Variants in ADGRA3 observed in about 807,000 individuals in gnomAD.
ADGRA3 encodes G-protein coupled receptor 125.
In ADGRA3, 56 loss-of-function variants were observed where a neutral mutation model predicts 119.8. The observed-to-expected ratio is 0.47, with a 90% CI of 0.38 to 0.58. The LOEUF (loss-of-function observed/expected upper bound fraction) is 0.58, where lower values mean the gene tolerates loss of function less well. Ranked by LOEUF, ADGRA3 falls within the 20% of genes least tolerant of loss-of-function variation. The probability of loss-of-function intolerance (pLI) is 0.00; values close to 1 mark genes in which losing one functional copy is unlikely to be tolerated. For synonymous variants in ADGRA3, 607 were observed against 623.8 expected, an observed-to-expected ratio of 0.97 and a Z score of 0.40; for missense variants, 1,516 against 1,649.0, an observed-to-expected ratio of 0.92 and a Z score of 1.40.
At chr4:22,457,799 T>C (rs1717292561) in intron 3 of ADGRA3, among the ~76,000 whole-genome samples, 1 of 152,176 alleles carries the variant, frequency 6.6e-6, no homozygotes, top group Admixed American at 6.5e-5. Context: ...TTATTAACAA[T>C]AGGTTTTCTT....
intron 14 of ADGRA3, among the ~76,000 whole-genome samples, chr4:22,408,051 A>G (rs1715023490): frequency 6.6e-6 from 1 of 152,094 alleles, no homozygotes. Flanking sequence ...ATGTTAAAAG[A>G]CGACTATGAC....
chr4:22,403,133 G>A (rs909965032), intron 14 of ADGRA3, among the ~76,000 whole-genome samples: 3 of 151,976 alleles, frequency 2.0e-5, no homozygotes, highest in African/African-American at 7.2e-5. Flanking sequence ...CCTTTTCAAT[G>A]CCCTTTAAGC....
intron 10 of ADGRA3, among the ~76,000 whole-genome samples, chr4:22,431,941 G>T (rs1201004757): frequency 6.6e-6 from 1 of 152,002 alleles, no homozygotes; most frequent in Non-Finnish European, 1.5e-5. Flanking sequence ...TTAGCATATG[G>T]TCAATTTGGT....
At chr4:22,489,232 C>A (rs760324749) in intron 1 of ADGRA3, among the ~76,000 whole-genome samples, 1 of 152,158 alleles carries the variant, frequency 6.6e-6, no homozygotes, top group Non-Finnish European at 1.5e-5. Context: ...GACTTATTCA[C>A]TACCATGAGA....
chr4:22,507,108 C>T (rs1418632286), intron 1 of ADGRA3, among the ~76,000 whole-genome samples: 5 of 151,690 alleles, frequency 3.3e-5, no homozygotes, highest in South Asian at 2.1e-4. Context: ...GGCATGGTGG[C>T]GGGTGACTGT....
At chr4:22,448,929 C>T (rs188487614) in intron 4 of ADGRA3, among the ~76,000 whole-genome samples, 1 of 151,954 alleles carries the variant, frequency 6.6e-6, no homozygotes. Flanking sequence ...AAAGGTGTGC[C>T]CATGGCAGTA....
At chr4:22,511,642 C>T (rs774478776) in intron 1 of ADGRA3, among the ~76,000 whole-genome samples, 10 of 152,154 alleles carry the variant, frequency 6.6e-5, no homozygotes, top group Non-Finnish European at 1.5e-4. Flanking sequence ...CTGAAAACAC[C>T]TGGCCACACC....
intron 12 of ADGRA3, among the ~76,000 whole-genome samples, chr4:22,418,594 T>C (rs192479464): frequency 2.0e-5 from 3 of 152,090 alleles, no homozygotes; most frequent in Non-Finnish European, 2.9e-5. Flanking sequence ...GGAAGTACTG[T>C]GGAGAGAGAG....
intron 1 of ADGRA3, among the ~76,000 whole-genome samples, chr4:22,474,581 G>A (rs1717970325): frequency 2.0e-5 from 3 of 152,166 alleles, no homozygotes; most frequent in East Asian, 3.9e-4. Flanking sequence ...TATCAATAAT[G>A]AGCATCCATG....
chr4:22,390,285 C>T (rs1714057890), intron 17 of ADGRA3, among the ~76,000 whole-genome samples: 1 of 145,334 alleles, frequency 6.9e-6, no homozygotes, highest in Non-Finnish European at 1.5e-5. Flanking sequence ...TTAAAATCTT[C>T]TCTATTGCTT....
At position 22,461,734 on chromosome 4, in the gene ADGRA3, T is replaced by TA. The variant is rs766027196; in HGVS notation, c.401+2dup. 1 of 1,594,716 alleles carries TA rather than the reference T, an allele frequency of 6.3e-7. No individual in the cohort carries two copies. Among genetic ancestry groups the TA allele is most frequent in the Non-Finnish European group, 8.6e-7 (1 of 1,165,538 alleles). On this transcript the variant is annotated splice_region_variant and intron_variant, in intron 3 of 18. Coordinates refer to ENST00000334304, the MANE Select transcript of ADGRA3 (RefSeq NM_145290.4). ...CTCGTAAGCAAGCAATTCAAACACT[T>TA]ACAATCTTTTTAGAGATGACAGTCC...
intron 3 of ADGRA3, among the ~76,000 whole-genome samples, chr4:22,455,455 G>GAA (rs142233845): frequency 1.4e-5 from 2 of 147,652 alleles, no homozygotes; most frequent in Admixed American, 1.3e-4. Flanking sequence ...CAACTATAAT[G>GAA]AAAAAAAAAA....
chr4:22,449,863 G>C (rs1025246711), intron 4 of ADGRA3, among the ~76,000 whole-genome samples: 5 of 145,212 alleles, frequency 3.4e-5, no homozygotes, highest in African/African-American at 1.3e-4. Context: ...AAAAAAAAAT[G>C]AATTGCATCT....
chr4:22,463,007 C>T (rs1366264883), intron 2 of ADGRA3, among the ~76,000 whole-genome samples: 1 of 152,174 alleles, frequency 6.6e-6, no homozygotes, highest in African/African-American at 2.4e-5. Context: ...CCCACACTTC[C>T]GCTTTATGGG....
At chr4:22,509,489 C>T (rs964024774) in intron 1 of ADGRA3, among the ~76,000 whole-genome samples, 5 of 145,522 alleles carry the variant, frequency 3.4e-5, no homozygotes, top group African/African-American at 1.0e-4. Context: ...GGAAACAGGG[C>T]GAGACTCCAT....
At chr4:22,448,943 A>C (rs1170402450) in intron 4 of ADGRA3, among the ~76,000 whole-genome samples, 2 of 152,170 alleles carry the variant, frequency 1.3e-5, no homozygotes, top group African/African-American at 4.8e-5. Flanking sequence ...GGCAGTATAC[A>C]TCACAATAAC....
intron 4 of ADGRA3, among the ~76,000 whole-genome samples, chr4:22,447,861 A>C (rs1449263190): frequency 1.3e-5 from 2 of 152,224 alleles, no homozygotes; most frequent in African/African-American, 4.8e-5. Context: ...CAGCAAATAA[A>C]AATGTAAAAA....
At chr4:22,451,587 A>G (rs1226773150) in intron 4 of ADGRA3, among the ~76,000 whole-genome samples, 4 of 151,878 alleles carry the variant, frequency 2.6e-5, no homozygotes, top group Admixed American at 2.0e-4. Context: ...CCTCTGACAC[A>G]CTTAAAGAAA....
At position 22,445,093 on chromosome 4, in the gene ADGRA3, G is replaced by C. The variant is rs376148471; in HGVS notation, c.586C>G (p.Leu196Val). The change falls in exon 6 of 19, where the codon CTG becomes GTG. Residue 196 changes from leucine (L) to valine (V), a missense_variant. Leu to Val is a conservative substitution (Grantham distance 32). This residue lies in a region of ADGRA3 where 428 missense variants were observed against 541.9 expected (regional missense o/e 0.79). Coordinates refer to ENST00000334304, the MANE Select transcript of ADGRA3 (RefSeq NM_145290.4). ...TCCTTTACCCAGCGATGCATCCACA[G>C]TATGTTACAGTCACACAAAAGATAC... ...TEYLLCDCNI[L>V]WMHRWVKEKN... 4 of 1,613,894 alleles carry C rather than the reference G, an allele frequency of 2.5e-6. No individual in the cohort carries two copies. Among genetic ancestry groups the C allele is most frequent in the Non-Finnish European group, 3.4e-6 (4 of 1,179,836 alleles).
Sources: gnomAD v4.1 joint callset for allele counts (sites outside exome capture counted in the v4.1 genomes callset) on GRCh38, gnomAD v4.1.1 for gene constraint, gnomAD v4.1.1 regional missense constraint, MANE v1.5 for transcripts, NCBI Gene and HGNC (gene_info 2026-07-23, HGNC 2026-07-21) for gene names.